PIEZO2: variants seen among roughly 807,000 people sequenced by gnomAD.
PIEZO2 encodes piezo type mechanosensitive ion channel component 2.
PIEZO2 carries 172 observed loss-of-function variants against 337.3 expected under a neutral mutation model. The observed-to-expected ratio is 0.51, with a 90% CI of 0.45 to 0.58. The LOEUF is 0.58. Among genes scored for constraint, PIEZO2 ranks in the 20% least tolerant of loss-of-function variants. PIEZO2 has a pLI of 0.00. For missense variants in PIEZO2, 3,028 were observed against 3,391.3 expected (o/e 0.89, Z 2.66); for synonymous variants, 1,251 against 1,228.5 (o/e 1.02, Z -0.38).
chr18:10,690,277 C>G (rs2034752500), intron 48 of PIEZO2, among the ~76,000 whole-genome samples: 1 of 152,162 alleles, frequency 6.6e-6, no homozygotes, highest in East Asian at 1.9e-4. Context: ...GCAGGACTTG[C>G]TGGAGTACCA....
chr18:10,816,029 G>A (rs1314794730), intron 7 of PIEZO2, among the ~76,000 whole-genome samples: 1 of 152,154 alleles, frequency 6.6e-6, no homozygotes, highest in Non-Finnish European at 1.5e-5. Context: ...ACCGGATTAC[G>A]GTTATGATCA....
chr18:10,845,830 C>G (rs1410584877), intron 7 of PIEZO2, among the ~76,000 whole-genome samples: 3 of 152,174 alleles, frequency 2.0e-5, no homozygotes, highest in African/African-American at 7.2e-5. Context: ...GGATAAAGGT[C>G]TTTTGGAGTT....
chr18:10,965,340 T>C (rs2033955179), intron 3 of PIEZO2, among the ~76,000 whole-genome samples: 1 of 152,232 alleles, frequency 6.6e-6, no homozygotes, highest in African/African-American at 2.4e-5. Flanking sequence ...TATAGCCATC[T>C]TATTGAGTGT....
At chr18:11,061,799 G>A (rs1201708857) in intron 2 of PIEZO2, among the ~76,000 whole-genome samples, 1 of 152,178 alleles carries the variant, frequency 6.6e-6, no homozygotes, top group Non-Finnish European at 1.5e-5. Flanking sequence ...CTCATGGGTA[G>A]GAAGAATCAA....
intron 49 of PIEZO2, among the ~76,000 whole-genome samples, chr18:10,686,173 C>T (rs1353182117): frequency 6.6e-6 from 1 of 152,206 alleles, no homozygotes; most frequent in Non-Finnish European, 1.5e-5. Context: ...CAGTGAGCTC[C>T]TAAGTCCCTG....
At position 10,837,286 on chromosome 18, in the gene PIEZO2, A is replaced by G. The variant is rs2041044119; in HGVS notation, c.917+18067T>C. ...TAAGTCTAGAATGAGAAGAGCCTTT[A>G]AGTTCTCACTGATCCTCAAGGGAAG... On this transcript the variant is annotated intron_variant, in intron 7 of 55. Transcript: ENST00000674853. The surrounding 1 kb of genome is among the most constrained non-coding windows in gnomAD (Gnocchi z 4.4). Among the ~76,000 whole-genome samples, 1 of 152,210 alleles carries G rather than the reference A, an allele frequency of 6.6e-6. No homozygotes were observed. The highest frequency in any genetic ancestry group is 1.5e-5 in the Non-Finnish European group (1 of 68,036).
At chr18:11,051,944 A>G (rs1453959490) in intron 2 of PIEZO2, among the ~76,000 whole-genome samples, 1 of 152,258 alleles carries the variant, frequency 6.6e-6, no homozygotes, top group Non-Finnish European at 1.5e-5. Context: ...AAAGAAAAGC[A>G]GGAAGTAGAC....
Position 11,125,532 on chromosome 18 carries a change from G to T in PIEZO2, c.64+22993C>A, listed in dbSNP as rs2040158706. On this transcript the variant is annotated intron_variant, in intron 1 of 55. Transcript: ENST00000674853. The surrounding 1 kb of genome is among the most constrained non-coding windows in gnomAD (Gnocchi z 4.4). Reference sequence around the variant, plus strand: ...GCACACTTCATTACGTTGTTGGATTGTTTCCTCAATACATCTGCGGAAACC... The same window carrying T: ...GCACACTTCATTACGTTGTTGGATTTTTTCCTCAATACATCTGCGGAAACC... Among the ~76,000 whole-genome samples the T allele has an allele frequency of 1.3e-5, 2 of 152,164 alleles. No homozygotes were observed. The highest frequency in any genetic ancestry group is 4.1e-4 in the South Asian group (2 of 4,826).
chr18:10,738,560 A>T (rs1372288104), intron 33 of PIEZO2: 1 of 152,258 alleles, frequency 6.6e-6, no homozygotes, highest in East Asian at 1.9e-4. Flanking sequence ...GCACATTTTC[A>T]TTCATGCCAT....
chr18:10,831,914 C>G (rs1263293384), intron 7 of PIEZO2, among the ~76,000 whole-genome samples: 2 of 152,152 alleles, frequency 1.3e-5, no homozygotes, highest in African/African-American at 4.8e-5. Context: ...CCTCTGGTCC[C>G]CAAGCTCCGT....
rs1236865170 is a variant in PIEZO2 at position 11,131,221 on chromosome 18, A to G, written c.64+17304T>C. On this transcript the variant is annotated intron_variant, in intron 1 of 55. Coordinates refer to ENST00000674853, the MANE Select transcript of PIEZO2 (RefSeq NM_001378183.1). This position sits in a 1 kb window ranked among gnomAD's most constrained non-coding sequence, Gnocchi z 5.3. ...GAACTGGGTGCTTTCTGACCCATCT[A>G]GCCATAAAGCGTGTCATGCACAGCA... Among the ~76,000 whole-genome samples the G allele has an allele frequency of 6.6e-6, 1 of 152,174 alleles. No homozygotes were observed. The highest frequency in any genetic ancestry group is 1.5e-5 in the Non-Finnish European group (1 of 68,032).
At chr18:11,113,611 G>A (rs1376476867) in intron 1 of PIEZO2, among the ~76,000 whole-genome samples, 3 of 152,154 alleles carry the variant, frequency 2.0e-5, no homozygotes, top group African/African-American at 7.2e-5. Context: ...CAGGTATCAT[G>A]GTCACATGAT....
chr18:10,879,552 C>A (rs1294838297), intron 4 of PIEZO2, among the ~76,000 whole-genome samples: 1 of 152,002 alleles, frequency 6.6e-6, no homozygotes, highest in African/African-American at 2.4e-5. Flanking sequence ...CCCGCCACCA[C>A]GCCTGGCTAA....
rs569829723 is a variant in PIEZO2, at chr18:10,867,000, G to A, written c.492+4253C>T. ...ACCTTAAGGACCAGCAAAGGGAGTC[G>A]CCCACTTTACCCACTAAGAGTGGCA... On this transcript the variant is annotated intron_variant, in intron 5 of 55. Coordinates refer to ENST00000674853, the MANE Select transcript of PIEZO2 (RefSeq NM_001378183.1). 1.6e-4 allele frequency among the ~76,000 whole-genome samples: 25 copies of A among 152,236 alleles called. No homozygotes were observed. In the South Asian group the frequency reaches 2.3e-3, roughly 14 times the overall value.
chr18:10,938,470 A>G (rs774523863), intron 3 of PIEZO2, among the ~76,000 whole-genome samples: 3 of 152,240 alleles, frequency 2.0e-5, no homozygotes, highest in Non-Finnish European at 4.4e-5. Context: ...GGAAAGGCTC[A>G]TAAATCAGTC....
At position 10,789,305 on chromosome 18, in the gene PIEZO2, G is replaced by T; in HGVS notation, c.1943C>A (p.Ala648Glu). ...GEPKEEEEEE[A>E]KEEKQERKKV... ...CTTTCTCTCTTGCTTCTCTTCCTTC[G>T]CTTCCTCTTCTTCCTCCTCTTTGGG... The change falls in exon 15 of 56, where the codon GCG (alanine) becomes GAG (glutamate). Residue 648 changes from alanine (A) to glutamate (E), a missense_variant. Transcript: ENST00000674853. The T allele has an allele frequency of 6.5e-7, 1 of 1,536,762 alleles. No homozygotes were observed. Among genetic ancestry groups the T allele is most frequent in the South Asian group, 1.2e-5 (1 of 84,026 alleles).
intron 1 of PIEZO2, among the ~76,000 whole-genome samples, chr18:11,138,210 T>G (rs1413238089): frequency 2.0e-5 from 3 of 152,248 alleles, no homozygotes; most frequent in African/African-American, 7.2e-5. Context: ...GCTGGGTAGC[T>G]GAAGTGTAAT....
At chr18:11,065,179 G>A (rs983310585) in intron 2 of PIEZO2, among the ~76,000 whole-genome samples, 31 of 152,202 alleles carry the variant, frequency 2.0e-4, no homozygotes, top group African/African-American at 7.2e-4. Flanking sequence ...GGGAAAGACA[G>A]AGTCATTATT....
chr18:10,753,146 G>C (rs1167086836), intron 27 of PIEZO2, among the ~76,000 whole-genome samples: 1 of 152,186 alleles, frequency 6.6e-6, no homozygotes, highest in East Asian at 1.9e-4. Flanking sequence ...CCTACCACTT[G>C]AGTATTCAAA....
Sources: gnomAD v4.1 joint callset for allele counts (sites outside exome capture counted in the v4.1 genomes callset) on GRCh38, gnomAD v4.1.1 for gene constraint, Gnocchi (gnomAD v3.1) non-coding constraint, MANE v1.5 for transcripts, NCBI Gene and HGNC (gene_info 2026-07-23, HGNC 2026-07-21) for gene names.